COL28A1: variants seen among roughly 807,000 people sequenced by gnomAD.
COL28A1 encodes collagen alpha-1(XXVIII) chain.
In COL28A1, 161 loss-of-function variants were observed where a neutral mutation model predicts 150.2. The ratio of observed to expected loss-of-function variants is 1.07; its 90% CI spans 0.94 to 1.22. The LOEUF (loss-of-function observed/expected upper bound fraction) is 1.22, where lower values mean the gene tolerates loss of function less well. Ranked by LOEUF, COL28A1 falls within the 50% of genes most tolerant of loss-of-function variation. The pLI is 0.00. For missense variants in COL28A1, 1,617 were observed against 1,388.3 expected (o/e 1.16, Z -2.62); for synonymous variants, 552 against 469.7 (o/e 1.18, Z -2.26).
intron 33 of COL28A1, among the ~76,000 whole-genome samples, chr7:7,362,291 T>C (rs1251632873): frequency 1.3e-5 from 2 of 152,202 alleles, no homozygotes; most frequent in African/African-American, 2.4e-5. Context: ...CTGTATGCAA[T>C]TGAATCAGTC....
chr7:7,525,176 A>G (rs187715309), intron 3 of COL28A1, among the ~76,000 whole-genome samples: 2 of 152,372 alleles, frequency 1.3e-5, no homozygotes, highest in East Asian at 1.9e-4. Context: ...ATAAGGAAAC[A>G]TGGTTCCACC....
At chr7:7,460,894 C>A (rs774206280) in intron 15 of COL28A1, among the ~76,000 whole-genome samples, 1 of 152,072 alleles carries the variant, frequency 6.6e-6, no homozygotes, top group Non-Finnish European at 1.5e-5. Context: ...TGGAGATCAT[C>A]GTGGACAGGA....
chr7:7,415,682 C>G (rs566149835), intron 27 of COL28A1, among the ~76,000 whole-genome samples: 47 of 152,146 alleles, frequency 3.1e-4, no homozygotes, highest in Non-Finnish European at 6.0e-4. Context: ...TACAGGTACG[C>G]ACCACCATGC....
At chr7:7,543,751 T>A in the COL28A1 span, among the ~76,000 whole-genome samples, 1 of 151,720 alleles carries the variant, frequency 6.6e-6, no homozygotes, top group Non-Finnish European at 1.5e-5. Context: ...GTTTTTAATG[T>A]AATTTATTTA....
In COL28A1 at chr7:7,432,833, G is replaced by A. The variant is rs145047447; in HGVS notation, c.1861-133C>T. The A allele has an allele frequency of 1.0e-3, 655 of 657,002 alleles. 7 individuals are homozygous for A. In the East Asian group the frequency reaches 0.015, roughly 15 times the overall value. 40.7% of individuals were successfully genotyped at this position (657,002 alleles called of 1,614,324 possible). A position where few individuals can be genotyped will look rare whatever the true frequency, so the allele number is the denominator to read the frequency against. On this transcript the variant is annotated intron_variant, in intron 23 of 34. Transcript: ENST00000399429. ...GGAGTTAGAAAATGACTTATTGCTA[G>A]TACTTTAATTCTTAAAATTATAAAT...
intron 27 of COL28A1, among the ~76,000 whole-genome samples, chr7:7,393,849 T>A (rs1269210940): frequency 2.0e-5 from 3 of 152,118 alleles, no homozygotes. Flanking sequence ...AGCCATTGGA[T>A]CTTAGCTTGC....
At chr7:7,409,468 A>C (rs1029255585) in intron 27 of COL28A1, among the ~76,000 whole-genome samples, 1 of 152,166 alleles carries the variant, frequency 6.6e-6, no homozygotes, top group Non-Finnish European at 1.5e-5. Context: ...GAGAAAAAAA[A>C]CCAATTTAAA....
At chr7:7,497,424 C>T (rs1780281241) in intron 11 of COL28A1, among the ~76,000 whole-genome samples, 2 of 152,132 alleles carry the variant, frequency 1.3e-5, no homozygotes, top group African/African-American at 4.8e-5. Flanking sequence ...TAACTTACTG[C>T]ATGGATGAAA....
intron 13 of COL28A1, among the ~76,000 whole-genome samples, chr7:7,488,769 T>A (rs1466261941): frequency 6.6e-6 from 1 of 152,158 alleles, no homozygotes; most frequent in African/African-American, 2.4e-5. Context: ...TACAAAGAAA[T>A]CCATTATAAA....
intron 16 of COL28A1, among the ~76,000 whole-genome samples, chr7:7,454,660 A>T (rs1028860427): frequency 6.6e-6 from 1 of 152,182 alleles, no homozygotes; most frequent in Non-Finnish European, 1.5e-5. Context: ...GGCCATCTGA[A>T]CAGACTTGTC....
intron 15 of COL28A1, among the ~76,000 whole-genome samples, chr7:7,474,086 T>A (rs1788677874): frequency 6.8e-6 from 1 of 147,512 alleles, no homozygotes; most frequent in Admixed American, 6.8e-5. Context: ...TATATATATA[T>A]ATGTGATGGA....
At chr7:7,394,781 T>C (rs1782744559) in intron 27 of COL28A1, among the ~76,000 whole-genome samples, 1 of 152,206 alleles carries the variant, frequency 6.6e-6, no homozygotes, top group African/African-American at 2.4e-5. Flanking sequence ...TCCCTTCCTG[T>C]TTGAGTTCAT....
chr7:7,359,953 C>G (rs1780557410), intron 34 of COL28A1, among the ~76,000 whole-genome samples: 1 of 152,256 alleles, frequency 6.6e-6, no homozygotes, highest in East Asian at 1.9e-4. Context: ...TAGATATTAA[C>G]TCCATAGAAA....
chr7:7,383,250 TTGTGTGTGTG>T (rs368714766), intron 27 of COL28A1, among the ~76,000 whole-genome samples: 4 of 107,142 alleles, frequency 3.7e-5, no homozygotes, highest in East Asian at 3.5e-4. Flanking sequence ...CTTTTTTTTG[TTGTGTGTGTG>T]TGTGTGTGTG....
intron 23 of COL28A1, 65 bp from the exon 24 acceptor site, chr7:7,432,765 G>T: frequency 1.6e-6 from 2 of 1,245,580 alleles, no homozygotes; most frequent in Non-Finnish European, 1.2e-6. Flanking sequence ...TCAAACTTAA[G>T]CATAACACCA....
intron 30 of COL28A1, among the ~76,000 whole-genome samples, chr7:7,379,674 T>C (rs78270182): frequency 0.037 from 5,586 of 152,214 alleles, 370 homozygotes; most frequent in African/African-American, 0.13. Context: ...AATGAATAAA[T>C]GAATGGAGAA....
intron 30 of COL28A1, among the ~76,000 whole-genome samples, chr7:7,379,946 C>T (rs1781777380): frequency 6.6e-6 from 1 of 152,174 alleles, no homozygotes; most frequent in African/African-American, 2.4e-5. Flanking sequence ...GCCTTCACCA[C>T]CTGAACTGCC....
chr7:7,542,663 A>C, the COL28A1 span, among the ~76,000 whole-genome samples: 2 of 152,198 alleles, frequency 1.3e-5, no homozygotes, highest in African/African-American at 4.8e-5. Context: ...AAGGGTTTAA[A>C]CTTTATCTTG....
chr7:7,466,787 G>C (rs1432655236), intron 15 of COL28A1, among the ~76,000 whole-genome samples: 1 of 4,480 alleles, frequency 2.2e-4, no homozygotes. Flanking sequence ...CCAGAAGAGA[G>C]TGGGGGCCAA....
Sources: gnomAD v4.1 joint callset for allele counts (sites outside exome capture counted in the v4.1 genomes callset) on GRCh38, gnomAD v4.1.1 for gene constraint, MANE v1.5 for transcripts, NCBI Gene and HGNC (gene_info 2026-07-23, HGNC 2026-07-21) for gene names.